The following DDX10 variants were observed in gnomAD, a reference collection of about 807,000 sequenced individuals.
DDX10 encodes probable ATP-dependent RNA helicase DDX10.
A neutral mutation model predicts 104.3 loss-of-function variants in DDX10; 74 were observed. That is an observed-to-expected ratio of 0.71 (90% CI 0.59 to 0.86). The LOEUF is 0.86. Ranked by LOEUF, DDX10 falls within the 40% of genes least tolerant of loss-of-function variation. The pLI is 0.00. For missense variants in DDX10, 952 were observed against 1,040.0 expected, an observed-to-expected ratio of 0.92 and a Z score of 1.16; for synonymous variants, 351 against 353.4, an observed-to-expected ratio of 0.99 and a Z score of 0.08.
chr11:108,730,288 C>T (rs548838042), intron 13 of DDX10, among the ~76,000 whole-genome samples: 15 of 152,310 alleles, frequency 9.8e-5, no homozygotes, highest in Admixed American at 9.2e-4. Flanking sequence ...GATTTCTCAA[C>T]CACTAGGACC....
At chr11:108,797,964 A>G (rs970728980) in intron 13 of DDX10, among the ~76,000 whole-genome samples, 8 of 152,244 alleles carry the variant, frequency 5.3e-5, no homozygotes, top group Admixed American at 2.6e-4. Context: ...CCTCTTACCC[A>G]TGGTAGAAAC....
rs949383586 is a variant in DDX10, at chr11:108,749,144, C to T, written c.1965+25682C>T. Among the ~76,000 whole-genome samples the T allele has an allele frequency of 2.6e-5, 4 of 152,048 alleles. No individual in the cohort carries two copies. The East Asian group carries it at 7.8e-4, about 29-fold the overall frequency. ...CTCAATCTCCTGACCTCCTGATCTG[C>T]CCGCCTCGGCCTCCCAAGCTGCTGG... On this transcript the variant is annotated intron_variant, in intron 13 of 17. Coordinates refer to ENST00000322536, the MANE Select transcript of DDX10 (RefSeq NM_004398.4).
rs559257150 is a variant in DDX10, at chr11:108,771,741, G to A, written c.1965+48279G>A. Among the ~76,000 whole-genome samples the A allele has an allele frequency of 3.3e-5, 5 of 152,230 alleles. No homozygotes were observed. In the South Asian group the frequency reaches 8.3e-4, roughly 25 times the overall value. ...GTATTTCAGGAGAAAGGAATAAATG[G>A]AGGCTATAGCTTTAATTGGTAAAGA... On this transcript the variant is annotated intron_variant, in intron 13 of 17. Transcript: ENST00000322536.
intron 16 of DDX10, among the ~76,000 whole-genome samples, chr11:108,896,292 C>T (rs1565311930): frequency 2.0e-5 from 3 of 151,992 alleles, no homozygotes; most frequent in Admixed American, 6.6e-5. Flanking sequence ...CGTGGCAGAT[C>T]TCTGTAGCCC....
chr11:108,734,540 T>C (rs772540214), intron 13 of DDX10, among the ~76,000 whole-genome samples: 6 of 152,174 alleles, frequency 3.9e-5, no homozygotes, highest in Admixed American at 1.3e-4. Flanking sequence ...AGTGGAAAGC[T>C]TAAAGCTGGT....
At chr11:108,787,870 C>T (rs955221425) in intron 13 of DDX10, among the ~76,000 whole-genome samples, 4 of 152,040 alleles carry the variant, frequency 2.6e-5, no homozygotes, top group Admixed American at 6.5e-5. Context: ...GTGGAGGCTG[C>T]GGTGAGCGGA....
chr11:108,913,740 T>A (rs931603079), intron 16 of DDX10, among the ~76,000 whole-genome samples: 1 of 152,212 alleles, frequency 6.6e-6, no homozygotes, highest in Non-Finnish European at 1.5e-5. Flanking sequence ...CAGCTAAGAA[T>A]GTCCATTTTC....
rs1177033583 is a variant in DDX10, at chr11:108,706,772, G to T, written c.1257G>T (p.Leu419Phe). ...YKEDGEALLILLPSEKAMVQQ... is the reference protein window; with the variant it reads ...YKEDGEALLIFLPSEKAMVQQ... Reference sequence around the variant, plus strand: ...AGGATGGTGAAGCTTTGCTAATTTTGCTACCCTCAGAAAAAGCTATGGTGC... The same window carrying T: ...AGGATGGTGAAGCTTTGCTAATTTTTCTACCCTCAGAAAAAGCTATGGTGC... The change falls in exon 10 of 18, where the codon TTG becomes TTT. Residue 419 changes from leucine to phenylalanine, a missense_variant. Leu to Phe is a conservative substitution (Grantham distance 22). Coordinates refer to ENST00000322536, the MANE Select transcript of DDX10 (RefSeq NM_004398.4). 6.2e-7 allele frequency: 1 copy of T among 1,614,014 alleles called. No homozygotes were observed. Among genetic ancestry groups the T allele is most frequent in the African/African-American group, 1.3e-5 (1 of 75,014 alleles).
intron 13 of DDX10, among the ~76,000 whole-genome samples, chr11:108,771,978 G>A (rs980998047): frequency 6.6e-6 from 1 of 152,174 alleles, no homozygotes; most frequent in Non-Finnish European, 1.5e-5. Flanking sequence ...TACTGGTTTT[G>A]TAGCTTTTAG....
At chr11:108,930,800 T>C (rs1437733287) in intron 17 of DDX10, among the ~76,000 whole-genome samples, 2 of 152,220 alleles carry the variant, frequency 1.3e-5, no homozygotes, top group Admixed American at 1.3e-4. Context: ...CTGGATTAAG[T>C]ACTATTCTGC....
intron 13 of DDX10, among the ~76,000 whole-genome samples, chr11:108,837,317 A>G (rs537037976): frequency 4.1e-4 from 62 of 152,282 alleles, no homozygotes; most frequent in African/African-American, 1.4e-3. Context: ...ATTCTGTCTA[A>G]TGGAAGCTGC....
intron 9 of DDX10, among the ~76,000 whole-genome samples, chr11:108,700,592 A>G (rs1591795388): frequency 2.0e-5 from 3 of 152,218 alleles, no homozygotes; most frequent in African/African-American, 7.2e-5. Flanking sequence ...GAACTAGTAT[A>G]TGCATTTTCT....
At chr11:108,816,742 CAG>C (rs1382041533) in intron 13 of DDX10, among the ~76,000 whole-genome samples, 4 of 152,054 alleles carry the variant, frequency 2.6e-5, no homozygotes, top group Non-Finnish European at 4.4e-5. Flanking sequence ...TTAGTAGAGA[CAG>C]AGTTTCACCA....
At chr11:108,686,032 A>T in intron 6 of DDX10, among the ~76,000 whole-genome samples, 1 of 152,172 alleles carries the variant, frequency 6.6e-6, no homozygotes. Flanking sequence ...GCTCTTTTGT[A>T]AAACTTCATT....
At chr11:108,780,916 C>T (rs1248387354) in intron 13 of DDX10, among the ~76,000 whole-genome samples, 1 of 152,086 alleles carries the variant, frequency 6.6e-6, no homozygotes, top group Non-Finnish European at 1.5e-5. Context: ...AATGAAAAAA[C>T]TTTATGCAGT....
intron 16 of DDX10, among the ~76,000 whole-genome samples, chr11:108,898,823 A>G (rs1056709631): frequency 6.6e-6 from 1 of 152,212 alleles, no homozygotes; most frequent in Non-Finnish European, 1.5e-5. Context: ...GGGCTTTGGT[A>G]TCCTGCTCAC....
intron 13 of DDX10, among the ~76,000 whole-genome samples, chr11:108,734,017 T>A (rs1249097190): frequency 1.3e-5 from 2 of 152,174 alleles, no homozygotes; most frequent in Non-Finnish European, 2.9e-5. Context: ...CAAGATGCAG[T>A]GCTTATCTTG....
At chr11:108,887,138 G>T (rs369302959) in intron 16 of DDX10, among the ~76,000 whole-genome samples, 1 of 152,076 alleles carries the variant, frequency 6.6e-6, no homozygotes, top group Non-Finnish European at 1.5e-5. Flanking sequence ...ATTTTTAATA[G>T]AGAAAAGGAA....
At chr11:108,821,528 T>C (rs558626168) in intron 13 of DDX10, among the ~76,000 whole-genome samples, 2 of 152,304 alleles carry the variant, frequency 1.3e-5, no homozygotes, top group South Asian at 4.1e-4. Flanking sequence ...AGTAAAAATC[T>C]GCTAGCAACT....
Sources: gnomAD v4.1 joint callset for allele counts (sites outside exome capture counted in the v4.1 genomes callset) on GRCh38, gnomAD v4.1.1 for gene constraint, MANE v1.5 for transcripts, NCBI Gene and HGNC (gene_info 2026-07-23, HGNC 2026-07-21) for gene names.